LMBR1: variants seen among roughly 807,000 people sequenced by gnomAD.
LMBR1 encodes limb region 1 protein homolog.
LMBR1 carries 52 observed loss-of-function variants against 73.9 expected under a neutral mutation model. The observed-to-expected ratio is 0.70, with a 90% CI of 0.56 to 0.89. LMBR1 has a LOEUF of 0.89. Among genes scored for constraint, LMBR1 ranks in the 40% least tolerant of loss-of-function variants. The pLI, the probability that LMBR1 is intolerant of heterozygous loss-of-function variation, is 0.00. For missense variants in LMBR1, 539 were observed against 579.8 expected, an observed-to-expected ratio of 0.93 and a Z score of 0.72; for synonymous variants, 215 against 209.4, an observed-to-expected ratio of 1.03 and a Z score of -0.23.
At chr7:156,848,010 T>G (rs1364603559) in intron 1 of LMBR1, among the ~76,000 whole-genome samples, 1 of 151,386 alleles carries the variant, frequency 6.6e-6, no homozygotes, top group African/African-American at 2.4e-5. Context: ...TTGGAAGGAA[T>G]CAAGATATCC....
At chr7:156,827,048 C>T (rs1015197329) in intron 3 of LMBR1, among the ~76,000 whole-genome samples, 1 of 152,110 alleles carries the variant, frequency 6.6e-6, no homozygotes, top group East Asian at 1.9e-4. Flanking sequence ...GTAGTTCATT[C>T]CTCTTTTAAA....
In LMBR1 at chr7:156,683,644, C is replaced by T. The variant is rs1457530557; in HGVS notation, c.*434G>A. ...TTGAAAAATGCATTTTCTGAATAAG[C>T]TTCACTTAGTACCAAGGATGCCTTT... On this transcript the variant is annotated 3_prime_UTR_variant, in exon 17 of 17. Coordinates refer to ENST00000353442, the MANE Select transcript of LMBR1 (RefSeq NM_022458.4). 1 of 154,176 alleles carries T rather than the reference C, an allele frequency of 6.5e-6. No homozygotes were observed. The highest frequency in any genetic ancestry group is 6.5e-5 in the Admixed American group (1 of 15,332). The allele number at this position is 154,176 out of a possible 1,614,324, so 9.6% of individuals were successfully genotyped here. A position where few individuals can be genotyped will look rare whatever the true frequency, so the allele number is the denominator to read the frequency against.
chr7:156,863,470 C>T (rs1798016122), intron 1 of LMBR1, among the ~76,000 whole-genome samples: 1 of 152,096 alleles, frequency 6.6e-6, no homozygotes, highest in Non-Finnish European at 1.5e-5. Context: ...TTGGCAACGC[C>T]CTCACAGACA....
intron 5 of LMBR1, among the ~76,000 whole-genome samples, chr7:156,775,487 A>T (rs149154522): frequency 1.4e-3 from 211 of 152,358 alleles, no homozygotes; most frequent in African/African-American, 4.2e-3. Flanking sequence ...GTAAAAAAAC[A>T]GATGAATGAA....
At chr7:156,715,521 C>T (rs1813023184) in intron 15 of LMBR1, among the ~76,000 whole-genome samples, 1 of 152,118 alleles carries the variant, frequency 6.6e-6, no homozygotes, top group Non-Finnish European at 1.5e-5. Flanking sequence ...ACCAATTTAA[C>T]CATTTTTAAG....
intron 9 of LMBR1, among the ~76,000 whole-genome samples, chr7:156,751,846 G>A (rs1820960817): frequency 6.6e-6 from 1 of 152,230 alleles, no homozygotes; most frequent in Non-Finnish European, 1.5e-5. Context: ...TTGGACATAT[G>A]TTTAAGATGC....
chr7:156,808,694 T>C (rs1220956603), intron 4 of LMBR1, among the ~76,000 whole-genome samples: 1 of 152,208 alleles, frequency 6.6e-6, no homozygotes. Flanking sequence ...ATGATTCTAG[T>C]TTATTTCCTT....
intron 9 of LMBR1, among the ~76,000 whole-genome samples, chr7:156,738,821 T>C (rs541298496): frequency 1.3e-5 from 2 of 152,202 alleles, no homozygotes; most frequent in Admixed American, 1.3e-4. Flanking sequence ...AGGAGTGACA[T>C]ATAGCTAGTA....
intron 5 of LMBR1, among the ~76,000 whole-genome samples, chr7:156,794,479 G>C (rs75084703): frequency 1.0e-3 from 155 of 152,072 alleles, no homozygotes; most frequent in East Asian, 6.7e-3. Context: ...GGAGATTGTT[G>C]CTAATTCTTC....
At chr7:156,676,120 G>C, downstream of LMBR1, 1 of 866,324 alleles carries the variant, frequency 1.2e-6, no homozygotes, top group Non-Finnish European at 1.7e-6. Flanking sequence ...TTCCTCATGG[G>C]CTTTAGGGTG....
Position 156,680,995 on chromosome 7 carries a change from T to C in LMBR1, c.*3083A>G, listed in dbSNP as rs1804926141. 1 of 328,442 alleles carries C rather than the reference T, an allele frequency of 3.0e-6. No homozygotes were observed. Among genetic ancestry groups the C allele is most frequent in the Non-Finnish European group, 5.7e-6 (1 of 174,066 alleles). 20.3% of individuals were successfully genotyped at this position (328,442 alleles called of 1,614,324 possible). The stretch of plus-strand genomic sequence containing the variant: ...AAAACAATCTGTAAACAAAAATCAA[T>C]TACTAGTGTGTCCAAATGTTATTTT... On this transcript the variant is annotated 3_prime_UTR_variant, in exon 17 of 17. Transcript: ENST00000353442.
chr7:156,713,332 A>C (rs767799494), intron 15 of LMBR1, among the ~76,000 whole-genome samples: 1 of 152,096 alleles, frequency 6.6e-6, no homozygotes, highest in Non-Finnish European at 1.5e-5. Context: ...GACATTATAC[A>C]TTTGCCCAAA....
chr7:156,807,752 G>A (rs535109934), intron 4 of LMBR1, among the ~76,000 whole-genome samples: 13 of 152,100 alleles, frequency 8.5e-5, no homozygotes, highest in African/African-American at 2.2e-4. Context: ...CAGGTATTTC[G>A]TGCTATACAT....
intron 1 of LMBR1, among the ~76,000 whole-genome samples, chr7:156,873,999 C>T (rs987290987): frequency 6.6e-6 from 1 of 152,268 alleles, no homozygotes; most frequent in Non-Finnish European, 1.5e-5. Flanking sequence ...CCGCGCCATG[C>T]GCTCGTACTC....
chr7:156,728,768 AT>A, intron 10 of LMBR1, 48 bp from the exon 11 acceptor site: 1 of 1,303,152 alleles, frequency 7.7e-7, no homozygotes, highest in Non-Finnish European at 1.1e-6. Context: ...CCAAATTAAC[AT>A]TTTCCTTCCA....
intron 4 of LMBR1, among the ~76,000 whole-genome samples, chr7:156,797,488 A>G (rs573862445): frequency 6.6e-6 from 1 of 152,332 alleles, no homozygotes; most frequent in South Asian, 2.1e-4. Flanking sequence ...TGCTTTCTCA[A>G]CACCTTCATT....
intron 5 of LMBR1, among the ~76,000 whole-genome samples, chr7:156,783,810 G>A (rs1827588207): frequency 6.6e-6 from 1 of 152,098 alleles, no homozygotes; most frequent in Non-Finnish European, 1.5e-5. Flanking sequence ...CCCATAACAG[G>A]AAAGAAAGAA....
At chr7:156,720,250 A>C (rs1182071563) in intron 15 of LMBR1, among the ~76,000 whole-genome samples, 3 of 152,162 alleles carry the variant, frequency 2.0e-5, no homozygotes, top group Admixed American at 6.5e-5. Context: ...AACTCAAACA[A>C]ATTTACAAGA....
chr7:156,688,247 G>T, intron 15 of LMBR1, 56 bp from the exon 16 acceptor site: 1 of 1,260,804 alleles, frequency 7.9e-7, no homozygotes, highest in Non-Finnish European at 1.1e-6. Flanking sequence ...CATATTTAGT[G>T]TGCTACAAGT....
Sources: allele counts gnomAD v4.1 joint callset (sites outside exome capture counted in the v4.1 genomes callset), GRCh38; gene constraint gnomAD v4.1.1; transcripts MANE v1.5; gene names NCBI Gene and HGNC (gene_info 2026-07-23, HGNC 2026-07-21).